Variants in EPM2A observed in about 807,000 individuals in gnomAD.
EPM2A encodes the protein EPM2A glucan phosphatase, laforin, also known as laforin.
A neutral mutation model predicts 26.5 loss-of-function variants in EPM2A; 21 were observed. That is an observed-to-expected ratio of 0.79 (90% CI 0.56 to 1.14). The LOEUF is 1.14. Among genes scored for constraint, EPM2A ranks in the 50% most tolerant of loss-of-function variants. EPM2A has a pLI of 0.00. For synonymous variants in EPM2A, 217 were observed against 177.6 expected, an observed-to-expected ratio of 1.22 and a Z score of -1.76; for missense variants, 458 against 440.8, an observed-to-expected ratio of 1.04 and a Z score of -0.35.
At chr6:145,659,174 G>A (rs1478895953) in intron 2 of EPM2A, among the ~76,000 whole-genome samples, 1 of 150,300 alleles carries the variant, frequency 6.7e-6, no homozygotes, top group Non-Finnish European at 1.5e-5. Flanking sequence ...CTAACTTTCT[G>A]TGTGATATCT....
intron 2 of EPM2A, among the ~76,000 whole-genome samples, chr6:145,504,046 G>C (rs1286796801): frequency 2.6e-4 from 34 of 130,226 alleles, no homozygotes; most frequent in Admixed American, 2.4e-3. Context: ...GCCATATGTA[G>C]AAAGCTGAAA....
intron 2 of EPM2A, among the ~76,000 whole-genome samples, chr6:145,510,524 A>G (rs991099162): frequency 2.0e-5 from 3 of 152,206 alleles, no homozygotes; most frequent in Admixed American, 6.5e-5. Flanking sequence ...GGCAGAAATG[A>G]CAAATTATTT....
At chr6:145,712,308 A>C (rs1181923427) in intron 1 of EPM2A, among the ~76,000 whole-genome samples, 1 of 152,122 alleles carries the variant, frequency 6.6e-6, no homozygotes, top group African/African-American at 2.4e-5. Context: ...AGCTTACACA[A>C]TTTCTAGCTG....
intron 4 of EPM2A, among the ~76,000 whole-genome samples, chr6:145,399,759 G>A (rs1426114122): frequency 1.3e-5 from 2 of 152,152 alleles, no homozygotes; most frequent in African/African-American, 2.4e-5. Context: ...CCCTTCAGGT[G>A]AGGTAGAAAC....
Position 145,613,254 on chromosome 6 carries a change from GAT to G in EPM2A, c.340+21989_340+21990del, listed in dbSNP as rs377658784. On this transcript the variant is annotated intron_variant, in intron 2 of 3. Transcript: ENST00000450221. The stretch of plus-strand genomic sequence containing the variant: ...TTCTCATCTGTTCAAGTTTTATCAT[GAT>G]ATTTCAGCTATTCAGTCACATCTTC... 5.9e-3 allele frequency among the ~76,000 whole-genome samples: 897 copies of G among 152,254 alleles called. 7 individuals are homozygous for G. The highest frequency in any genetic ancestry group is 0.021 in the African/African-American group (860 of 41,548).
At chr6:145,492,872 G>C (rs970051511) in intron 4 of EPM2A, among the ~76,000 whole-genome samples, 4 of 152,180 alleles carry the variant, frequency 2.6e-5, no homozygotes, top group African/African-American at 7.2e-5. Context: ...GGCAGGCCAT[G>C]GGTGGTTTTG....
intron 4 of EPM2A, among the ~76,000 whole-genome samples, chr6:145,474,137 G>C (rs1779511067): frequency 6.6e-6 from 1 of 152,088 alleles, no homozygotes; most frequent in Non-Finnish European, 1.5e-5. Context: ...AGTACAATAA[G>C]ATATAAATAG....
At position 145,452,350 on chromosome 6, in the gene EPM2A, T is replaced by C. The variant is rs189501182; in HGVS notation, c.555+50172A>G. ...CTGTATTTTTACCATCTGCAGCTAA[T>C]ATGTCTGCTTCTGTCTAAATTTCAG... On this transcript the variant is annotated intron_variant, in intron 4 of 4. Transcript: ENST00000638717. Among the ~76,000 whole-genome samples, 516 of 152,068 alleles carry C rather than the reference T, an allele frequency of 3.4e-3. 3 individuals carry two copies. The highest frequency in any genetic ancestry group is 0.014 in the Middle Eastern group (4 of 294).
chr6:145,618,774 C>A (rs1201950788), intron 2 of EPM2A, among the ~76,000 whole-genome samples: 1 of 152,138 alleles, frequency 6.6e-6, no homozygotes, highest in Non-Finnish European at 1.5e-5. Flanking sequence ...TGAGAACAGA[C>A]TAATACAATG....
chr6:145,711,697 C>T (rs185588259), intron 1 of EPM2A, among the ~76,000 whole-genome samples: 1 of 152,144 alleles, frequency 6.6e-6, no homozygotes, highest in African/African-American at 2.4e-5. Context: ...ATAAATATAC[C>T]TAACAGATAA....
chr6:145,658,077 C>G (rs1014591737), intron 2 of EPM2A, among the ~76,000 whole-genome samples: 1 of 152,118 alleles, frequency 6.6e-6, no homozygotes, highest in Admixed American at 6.5e-5. Context: ...AATGTTCCCC[C>G]TAAAAAGCTA....
At chr6:145,631,524 C>A (rs983073925) in intron 3 of EPM2A, 2 of 152,152 alleles carry the variant, frequency 1.3e-5, no homozygotes, top group Admixed American at 1.3e-4. Context: ...ATGCTCCATA[C>A]ACACTCATTA....
In EPM2A at chr6:145,718,037, T is replaced by C. The variant is rs1254346264; in HGVS notation, c.301+17161A>G. Among the ~76,000 whole-genome samples, 11 of 151,484 alleles carry C rather than the reference T, an allele frequency of 7.3e-5. No homozygotes were observed. The East Asian group carries it at 1.6e-3, about 22-fold the overall frequency. On this transcript the variant is annotated intron_variant, in intron 1 of 3. Coordinates refer to ENST00000367519, the MANE Select transcript of EPM2A (RefSeq NM_005670.4). The stretch of plus-strand genomic sequence containing the variant: ...AGAATCAATATCGTGAAAATGGCCA[T>C]ACTGCCCAAGGTAATTTACAGATTC...
At chr6:145,568,567 C>A (rs747999542) in intron 2 of EPM2A, among the ~76,000 whole-genome samples, 4 of 152,156 alleles carry the variant, frequency 2.6e-5, no homozygotes, top group Non-Finnish European at 4.4e-5. Flanking sequence ...AGATGATCCA[C>A]CTGCCTTAGC....
intron 4 of EPM2A, among the ~76,000 whole-genome samples, chr6:145,447,561 G>A (rs760553335): frequency 1.3e-5 from 2 of 151,680 alleles, no homozygotes; most frequent in African/African-American, 2.4e-5. Flanking sequence ...TTTTTCAGGG[G>A]TTTAAAAATG....
intron 4 of EPM2A, among the ~76,000 whole-genome samples, chr6:145,477,546 T>C (rs1174670034): frequency 6.6e-6 from 1 of 151,692 alleles, no homozygotes; most frequent in Non-Finnish European, 1.5e-5. Flanking sequence ...ATACTAGCAA[T>C]CCAAATTCAG....
At chr6:145,388,412 A>C (rs2114655011) in intron 4 of EPM2A, among the ~76,000 whole-genome samples, 1 of 152,306 alleles carries the variant, frequency 6.6e-6, no homozygotes, top group African/African-American at 2.4e-5. Context: ...AGGCATGTGC[A>C]CTAGTTACAT....
At chr6:145,700,741 C>A (rs1180036983) in intron 1 of EPM2A, among the ~76,000 whole-genome samples, 1 of 152,154 alleles carries the variant, frequency 6.6e-6, no homozygotes, top group Non-Finnish European at 1.5e-5. Context: ...CATCCTAACC[C>A]AGCTAGCTAG....
At chr6:145,444,486 T>G (rs1779106353) in intron 4 of EPM2A, among the ~76,000 whole-genome samples, 2 of 152,200 alleles carry the variant, frequency 1.3e-5, no homozygotes, top group South Asian at 4.1e-4. Context: ...CTCAGTTTGC[T>G]AATATTTTGT....
Sources: allele counts gnomAD v4.1 joint callset (sites outside exome capture counted in the v4.1 genomes callset), GRCh38; gene constraint gnomAD v4.1.1; transcripts MANE v1.5; gene names NCBI Gene and HGNC (gene_info 2026-07-23, HGNC 2026-07-21).